FGD4: variants seen among roughly 807,000 people sequenced by gnomAD.
FGD4 encodes the protein FYVE, RhoGEF and PH domain-containing protein 4.
FGD4 carries 42 observed loss-of-function variants against 102.0 expected under a neutral mutation model. That is an observed-to-expected ratio of 0.41 (90% CI 0.32 to 0.53). The LOEUF (loss-of-function observed/expected upper bound fraction) is 0.53. Ranked by LOEUF, FGD4 falls within the 20% of genes least tolerant of loss-of-function variation. The probability of loss-of-function intolerance (pLI) is 0.21; values close to 1 mark genes in which losing one functional copy is unlikely to be tolerated. For synonymous variants in FGD4, 380 were observed against 375.7 expected (o/e 1.01, Z -0.13); for missense variants, 902 against 1,078.2 (o/e 0.84, Z 2.29).
chr12:32,610,469 C>G (rs758028630), intron 8 of FGD4, among the ~76,000 whole-genome samples: 1 of 152,162 alleles, frequency 6.6e-6, no homozygotes, highest in Non-Finnish European at 1.5e-5. Context: ...GGCCACAGCT[C>G]AAGAGATGAA....
intron 1 of FGD4, among the ~76,000 whole-genome samples, chr12:32,421,156 T>C (rs1941612159): frequency 6.6e-6 from 1 of 152,192 alleles, no homozygotes; most frequent in Non-Finnish European, 1.5e-5. Flanking sequence ...AAGGAGAGGC[T>C]AGATGACTTA....
At chr12:32,413,911 A>G (rs190949837) in intron 1 of FGD4, among the ~76,000 whole-genome samples, 15 of 151,304 alleles carry the variant, frequency 9.9e-5, no homozygotes, top group African/African-American at 2.9e-4. Context: ...CTCATCTTGT[A>G]CTTTTGGACA....
intron 1 of FGD4, among the ~76,000 whole-genome samples, chr12:32,440,759 G>A (rs1234857542): frequency 2.6e-5 from 4 of 152,166 alleles, no homozygotes; most frequent in South Asian, 2.1e-4. Context: ...CCTTCAGGGC[G>A]GCAAGGTCCC....
At position 32,600,476 on chromosome 12, in the gene FGD4, T is replaced by C. The variant is rs1288931797; in HGVS notation, c.1102-802T>C. 3.9e-6 allele frequency: 5 copies of C among 1,282,686 alleles called. No homozygotes were observed. In the East Asian group the frequency reaches 2.8e-4, roughly 72 times the overall value. The allele number at this position is 1,282,686 out of a possible 1,614,324, so 79.5% of individuals were successfully genotyped here. ...GGACATTATGAAGGAATAGACCTCC[T>C]TCTGCCTACATGTAACAGAATGGCA... On this transcript the variant is annotated intron_variant, in intron 5 of 16. Coordinates refer to ENST00000534526, the MANE Select transcript of FGD4 (RefSeq NM_001370298.3).
intron 1 of FGD4, among the ~76,000 whole-genome samples, chr12:32,504,988 G>A (rs981797750): frequency 6.6e-6 from 1 of 152,154 alleles, no homozygotes; most frequent in African/African-American, 2.4e-5. Flanking sequence ...GAGTCCTTCA[G>A]TTTCTTTGCT....
chr12:32,597,225 A>G (rs1947983421), intron 4 of FGD4, among the ~76,000 whole-genome samples: 1 of 152,194 alleles, frequency 6.6e-6, no homozygotes, highest in African/African-American at 2.4e-5. Context: ...TCACGCCACA[A>G]AATATTGTAA....
intron 1 of FGD4, among the ~76,000 whole-genome samples, chr12:32,561,077 T>TTTTG: frequency 1.4e-5 from 1 of 70,826 alleles, no homozygotes; most frequent in South Asian, 6.6e-4. Context: ...TGGGTTTTGT[T>TTTTG]TTTTTTTTTT....
intron 1 of FGD4, among the ~76,000 whole-genome samples, chr12:32,432,254 G>T (rs1484844998): frequency 6.6e-6 from 1 of 151,204 alleles, no homozygotes; most frequent in Admixed American, 6.6e-5. Context: ...TAAAGGTGGG[G>T]TTTCACCATG....
At position 32,640,257 on chromosome 12, in the gene FGD4, T is replaced by C. The variant is rs897589710; in HGVS notation, c.2455-19T>C. 1.2e-6 allele frequency: 2 copies of C among 1,614,210 alleles called. No homozygotes were observed. The highest frequency in any genetic ancestry group is 2.7e-5 in the African/African-American group (2 of 75,056). ...GCGAATACATCACCTGCTTTTAATG[T>C]CTGATGTCTTTTCTTTAGGACGTCA... On this transcript the variant is annotated intron_variant, in intron 16 of 16. Transcript: ENST00000534526.
chr12:32,554,856 A>C (rs1259353180), intron 1 of FGD4, among the ~76,000 whole-genome samples: 4 of 152,258 alleles, frequency 2.6e-5, no homozygotes. Flanking sequence ...CTGGAATGGA[A>C]TGCCCAAGGG....
intron 1 of FGD4, among the ~76,000 whole-genome samples, chr12:32,406,846 C>T (rs1270464200): frequency 1.3e-5 from 2 of 151,918 alleles, no homozygotes; most frequent in African/African-American, 4.8e-5. Flanking sequence ...CAGAGTCTTG[C>T]TCTGTCACCC....
In FGD4 at chr12:32,579,010, A is replaced by G. The variant is rs193300155; in HGVS notation, c.503+2561A>G. ...CCACTTTAAGATTTTAGAAATAAGAATATGTTTCTACAGACCTGAACATTA... is the reference window on the plus strand; with the variant it reads ...CCACTTTAAGATTTTAGAAATAAGAGTATGTTTCTACAGACCTGAACATTA... On this transcript the variant is annotated intron_variant, in intron 3 of 16. Coordinates refer to ENST00000534526, the MANE Select transcript of FGD4 (RefSeq NM_001370298.3). Among the ~76,000 whole-genome samples the G allele has an allele frequency of 3.7e-4, 53 of 143,702 alleles. No individual in the cohort carries two copies. In the East Asian group the frequency reaches 8.0e-3, roughly 22 times the overall value. The allele number at this position is 143,702 out of a possible 152,430, so 94.3% of individuals were successfully genotyped here. A position where few individuals can be genotyped will look rare whatever the true frequency, so the allele number is the denominator to read the frequency against.
At chr12:32,637,237 G>A (rs1448257612) in intron 15 of FGD4, among the ~76,000 whole-genome samples, 2 of 151,594 alleles carry the variant, frequency 1.3e-5, no homozygotes, top group South Asian at 4.2e-4. Context: ...AAAATTAAAT[G>A]GCTCTATGTA....
At chr12:32,402,074 T>TAGTAGA (rs1940694237) in intron 1 of FGD4, among the ~76,000 whole-genome samples, 1 of 150,870 alleles carries the variant, frequency 6.6e-6, no homozygotes, top group Admixed American at 6.6e-5. Flanking sequence ...GGCTAATTTT[T>TAGTAGA]TGTACTTTTA....
intron 1 of FGD4, among the ~76,000 whole-genome samples, chr12:32,520,440 G>GGTTTTT (rs1940402681): frequency 6.0e-5 from 8 of 134,130 alleles, no homozygotes; most frequent in South Asian, 2.4e-4. Flanking sequence ...TTTGTTTTTT[G>GGTTTTT]TTTTTTTTTT....
intron 1 of FGD4, among the ~76,000 whole-genome samples, chr12:32,496,256 G>A (rs7311935): frequency 0.18 from 27,112 of 152,068 alleles, 3,592 homozygotes; most frequent in African/African-American, 0.38. Context: ...ATTCAGCATC[G>A]GGTTTTATCA....
intron 1 of FGD4, among the ~76,000 whole-genome samples, chr12:32,489,133 T>C (rs369655343): frequency 2.6e-5 from 4 of 152,330 alleles, no homozygotes; most frequent in Admixed American, 6.5e-5. Context: ...TCTTCTCTTT[T>C]TGTATTTCAT....
chr12:32,592,337 T>A (rs144354160), intron 4 of FGD4, among the ~76,000 whole-genome samples: 59 of 152,006 alleles, frequency 3.9e-4, no homozygotes, highest in African/African-American at 1.3e-3. Flanking sequence ...AAAGTAAGAT[T>A]CTTTTAAAAT....
intron 1 of FGD4, among the ~76,000 whole-genome samples, chr12:32,417,819 C>G (rs1243237086): frequency 1.3e-5 from 2 of 152,002 alleles, no homozygotes; most frequent in Non-Finnish European, 2.9e-5. Flanking sequence ...TTACATTTAT[C>G]TGATAGAATT....
Sources: allele counts gnomAD v4.1 joint callset (sites outside exome capture counted in the v4.1 genomes callset), GRCh38; gene constraint gnomAD v4.1.1; transcripts MANE v1.5; gene names NCBI Gene and HGNC (gene_info 2026-07-23, HGNC 2026-07-21).